Variants in ECT2L observed in about 807,000 individuals in gnomAD.
The protein encoded by ECT2L is epithelial cell transforming 2 like, also known as epithelial cell-transforming sequence 2 oncogene-like.
In ECT2L, 126 loss-of-function variants were observed where a neutral mutation model predicts 122.8. The ratio of observed to expected loss-of-function variants is 1.03; its 90% confidence interval spans 0.89 to 1.19. ECT2L has a LOEUF of 1.19. Ranked by LOEUF, ECT2L falls within the 50% of genes most tolerant of loss-of-function variation. The pLI is 0.00. For synonymous variants in ECT2L, 385 were observed against 381.8 expected, an observed-to-expected ratio of 1.01 and a Z score of -0.10; for missense variants, 1,012 against 1,064.1, an observed-to-expected ratio of 0.95 and a Z score of 0.68.
chr6:138,875,875 C>G (rs539483885), intron 13 of ECT2L, among the ~76,000 whole-genome samples: 2 of 152,322 alleles, frequency 1.3e-5, no homozygotes, highest in South Asian at 2.1e-4. Context: ...AATCCCAGCA[C>G]TTTGGGAGGC....
chr6:138,857,403 T>C (rs1055464663), intron 10 of ECT2L, among the ~76,000 whole-genome samples: 2 of 152,040 alleles, frequency 1.3e-5, no homozygotes. Flanking sequence ...TTCCTTTCTA[T>C]CAAGTTTCCA....
chr6:138,860,122 G>T (rs1027577688), intron 10 of ECT2L, among the ~76,000 whole-genome samples: 3 of 152,116 alleles, frequency 2.0e-5, no homozygotes, highest in Admixed American at 6.5e-5. Flanking sequence ...ACCGCGCCCA[G>T]CCTGAAGCAC....
At chr6:138,856,247 T>C (rs1188829) in intron 10 of ECT2L, among the ~76,000 whole-genome samples, 143,929 of 152,260 alleles carry the variant, frequency 0.95, 68,050 homozygotes, top group African/African-American at 0.96. Flanking sequence ...AGATGTCTCG[T>C]TCTGTCGCCC....
At chr6:138,868,275 A>ATTAATTT in intron 13 of ECT2L, 69 bp downstream of exon 13, 1 of 1,438,246 alleles carries the variant, frequency 7.0e-7, no homozygotes, top group African/African-American at 1.4e-5. Context: ...TGCAGTTATT[A>ATTAATTT]TTAATTTTTT....
chr6:138,867,512 A>G (rs1778087463), intron 12 of ECT2L, among the ~76,000 whole-genome samples: 1 of 151,980 alleles, frequency 6.6e-6, no homozygotes, highest in South Asian at 2.1e-4. Context: ...CCATCTCTAC[A>G]AAAAGTTAAA....
intron 1 of ECT2L, among the ~76,000 whole-genome samples, chr6:138,809,895 T>C (rs1265895140): frequency 2.0e-5 from 3 of 152,160 alleles, no homozygotes; most frequent in Non-Finnish European, 4.4e-5. Context: ...ACATTCTATA[T>C]TATGTGGCAT....
chr6:138,868,687 G>A (rs1778137245), intron 13 of ECT2L, among the ~76,000 whole-genome samples: 1 of 152,130 alleles, frequency 6.6e-6, no homozygotes, highest in Non-Finnish European at 1.5e-5. Flanking sequence ...TTCGGCTGGG[G>A]ATGGGTGTAG....
chr6:138,900,988 A>G lies in ECT2L; in HGVS notation c.2455A>G (p.Asn819Asp), dbSNP rs1779376339. 6.2e-7 allele frequency: 1 copy of G among 1,614,138 alleles called. No homozygotes were observed. Among genetic ancestry groups the G allele is most frequent in the Non-Finnish European group, 8.5e-7 (1 of 1,180,020 alleles). Residue 819 changes from asparagine to aspartate, a missense_variant, in exon 21 of 22, where the codon AAT (asparagine) becomes GAT (aspartate). Physicochemically the swap from Asn to Asp is conservative, Grantham distance 23. Transcript: ENST00000541398. The stretch of plus-strand genomic sequence containing the variant: ...CCATGATCTCAGCCTTTTCCTCTTC[A>G]ATGATGCCCTGCTCGTTTCTAGTCG... ...HIHDLSLFLF[N>D]DALLVSSRGT...
At chr6:138,843,847 G>T (rs1437013761) in intron 6 of ECT2L, among the ~76,000 whole-genome samples, 2 of 152,030 alleles carry the variant, frequency 1.3e-5, no homozygotes, top group African/African-American at 4.8e-5. Flanking sequence ...ACACCACCAT[G>T]CCTTGCTAAT....
intron 20 of ECT2L, among the ~76,000 whole-genome samples, chr6:138,895,702 G>A (rs1779185598): frequency 1.3e-5 from 2 of 151,922 alleles, no homozygotes; most frequent in South Asian, 4.2e-4. Flanking sequence ...TCCCAAAAAA[G>A]CTTGAAGTAC....
At chr6:138,865,816 T>C (rs778301067) in intron 12 of ECT2L, among the ~76,000 whole-genome samples, 1 of 152,228 alleles carries the variant, frequency 6.6e-6, no homozygotes, top group Non-Finnish European at 1.5e-5. Flanking sequence ...CAACTACTCA[T>C]ATCTATTCAA....
intron 13 of ECT2L, among the ~76,000 whole-genome samples, chr6:138,873,908 G>GTA: frequency 7.6e-6 from 1 of 131,540 alleles, no homozygotes; most frequent in African/African-American, 3.1e-5. Context: ...GTGTGTGTGT[G>GTA]TGTGTGTCCA....
intron 4 of ECT2L, among the ~76,000 whole-genome samples, chr6:138,815,639 AGGAGACTGT>A (rs1419818534): frequency 6.6e-6 from 1 of 152,224 alleles, no homozygotes. Flanking sequence ...AGTCCTACAG[AGGAGACTGT>A]GTGAAGTTGT....
Position 138,814,620 on chromosome 6 carries a change from G to C in ECT2L, c.179+17G>C. On this transcript the variant is annotated intron_variant, in intron 4 of 21. Transcript: ENST00000541398. ...ACAATTAAGGTAAATGTAGCCTAAT[G>C]ATGTAATTAACATTGATTCTTAAAG... The C allele has an allele frequency of 1.4e-6, 2 of 1,442,556 alleles. No homozygotes were observed. Among genetic ancestry groups the C allele is most frequent in the Non-Finnish European group, 1.9e-6 (2 of 1,029,634 alleles). The allele number at this position is 1,442,556 out of a possible 1,614,324, so 89.4% of individuals were successfully genotyped here.
At chr6:138,885,460 T>C (rs1778785168) in intron 16 of ECT2L, 46 bp from the exon 17 acceptor site, 1 of 1,592,484 alleles carries the variant, frequency 6.3e-7, no homozygotes, top group African/African-American at 1.3e-5. Context: ...CAGTGGACTT[T>C]ACAACTATCT....
At chr6:138,841,930 A>G (rs1777053245) in intron 5 of ECT2L, among the ~76,000 whole-genome samples, 2 of 152,214 alleles carry the variant, frequency 1.3e-5, no homozygotes, top group African/African-American at 4.8e-5. Context: ...ATTATTCTCA[A>G]TGAGAGGGTT....
chr6:138,881,301 G>A (rs973613038), intron 15 of ECT2L, 130 bp downstream of exon 15: 25 of 887,498 alleles, frequency 2.8e-5, no homozygotes, highest in Middle Eastern at 6.8e-4. Flanking sequence ...TTATAGCAGC[G>A]AGATCCTCAT....
At position 138,881,185 on chromosome 6, in the gene ECT2L, A is replaced by G. The variant is rs1180347653; in HGVS notation, c.1880+14A>G. On this transcript the variant is annotated intron_variant, in intron 15 of 21. Transcript: ENST00000541398. ...AAGTCTCAACAGGTAAACCCTGAAT[A>G]TGTATTTTTTTTAATATTCATTGTG... is the stretch of plus-strand genomic sequence containing the variant. 5.6e-6 allele frequency: 9 copies of G among 1,609,172 alleles called. No individual in the cohort carries two copies. The highest frequency in any genetic ancestry group is 7.6e-6 in the Non-Finnish European group (9 of 1,177,166).
chr6:138,891,268 ATATT>A (rs1162152332), intron 20 of ECT2L, among the ~76,000 whole-genome samples: 2 of 152,300 alleles, frequency 1.3e-5, no homozygotes, highest in East Asian at 1.9e-4. Flanking sequence ...ACCTCAAAAT[ATATT>A]TATTTGACAT....
Sources: allele counts gnomAD v4.1 joint callset (sites outside exome capture counted in the v4.1 genomes callset), GRCh38; gene constraint gnomAD v4.1.1; transcripts MANE v1.5; gene names NCBI Gene and HGNC (gene_info 2026-07-23, HGNC 2026-07-21).